CHCHD3: variants seen among roughly 807,000 people sequenced by gnomAD.
The protein encoded by CHCHD3 is MICOS complex subunit MIC19.
Under a neutral mutation model 38.2 loss-of-function variants are expected in CHCHD3, and 20 were observed. The observed-to-expected ratio is 0.52, with a 90% CI of 0.37 to 0.76. The LOEUF (loss-of-function observed/expected upper bound fraction) is 0.76, where lower values mean the gene tolerates loss of function less well. Among genes scored for constraint, CHCHD3 ranks in the 30% least tolerant of loss-of-function variants. The pLI, the probability that CHCHD3 is intolerant of heterozygous loss-of-function variation, is 0.00. For missense variants in CHCHD3, 245 were observed against 279.2 expected (o/e 0.88, Z 0.87); for synonymous variants, 82 against 100.0 (o/e 0.82, Z 1.07).
intron 4 of CHCHD3, among the ~76,000 whole-genome samples, chr7:132,887,840 G>T (rs1324413535): frequency 6.6e-6 from 1 of 151,740 alleles, no homozygotes; most frequent in African/African-American, 2.4e-5. Flanking sequence ...ATACACTGCT[G>T]GTCAGAATAT....
rs554652652 is a variant in CHCHD3 at position 133,050,618 on chromosome 7, G to A, written c.169+19524C>T. Among the ~76,000 whole-genome samples, 486 of 152,166 alleles carry A rather than the reference G, an allele frequency of 3.2e-3. 2 individuals carry two copies. Among genetic ancestry groups the A allele is most frequent in the Non-Finnish European group, 5.1e-3 (349 of 68,008 alleles). On this transcript the variant is annotated intron_variant, in intron 2 of 7. Coordinates refer to ENST00000262570, the MANE Select transcript of CHCHD3 (RefSeq NM_017812.4). Reference sequence around the variant, plus strand: ...ATTTTCCTTTTTATTTATGAACATAGATAGAACAACTCCAATAAACATAAA... The same window carrying A: ...ATTTTCCTTTTTATTTATGAACATAAATAGAACAACTCCAATAAACATAAA...
At chr7:133,014,726 T>C (rs937784911) in intron 3 of CHCHD3, among the ~76,000 whole-genome samples, 28 of 151,908 alleles carry the variant, frequency 1.8e-4, no homozygotes, top group African/African-American at 6.8e-4. Flanking sequence ...ATTTTTCCCC[T>C]CTGCAATCAT....
At chr7:133,044,784 G>A (rs551205737) in intron 2 of CHCHD3, among the ~76,000 whole-genome samples, 11 of 152,380 alleles carry the variant, frequency 7.2e-5, no homozygotes, top group African/African-American at 1.9e-4. Context: ...GGATGGGTCT[G>A]CAGGGCAGAC....
At chr7:132,915,556 CCTCA>C (rs112077789) in intron 4 of CHCHD3, among the ~76,000 whole-genome samples, 2,814 of 152,154 alleles carry the variant, frequency 0.018, 100 homozygotes, top group African/African-American at 0.064. Context: ...AATTTTATTG[CCTCA>C]CTCTTTGTTC....
intron 2 of CHCHD3, among the ~76,000 whole-genome samples, chr7:133,029,446 G>A (rs144146341): frequency 6.6e-6 from 1 of 152,156 alleles, no homozygotes; most frequent in Non-Finnish European, 1.5e-5. Flanking sequence ...CTGCTTCCTA[G>A]AGCTCAACTT....
chr7:132,894,368 C>T (rs1253478714), intron 4 of CHCHD3, among the ~76,000 whole-genome samples: 1 of 152,186 alleles, frequency 6.6e-6, no homozygotes, highest in Non-Finnish European at 1.5e-5. Context: ...CATGTTGACT[C>T]TTCGGAATCA....
At chr7:132,889,860 T>G (rs1306998015) in intron 4 of CHCHD3, among the ~76,000 whole-genome samples, 1 of 152,108 alleles carries the variant, frequency 6.6e-6, no homozygotes, top group Non-Finnish European at 1.5e-5. Context: ...GTAGTAAACC[T>G]ACTGCAAGGA....
At chr7:132,891,111 T>C (rs1464706944) in intron 4 of CHCHD3, among the ~76,000 whole-genome samples, 1 of 152,200 alleles carries the variant, frequency 6.6e-6, no homozygotes, top group Non-Finnish European at 1.5e-5. Context: ...GAATATCAAT[T>C]AGCTGTTAAC....
chr7:132,929,391 A>C (rs1232882480), intron 4 of CHCHD3, among the ~76,000 whole-genome samples: 3 of 151,968 alleles, frequency 2.0e-5, no homozygotes, highest in African/African-American at 7.3e-5. Flanking sequence ...TCTCCCATGC[A>C]ACTCTTTCTC....
intron 3 of CHCHD3, among the ~76,000 whole-genome samples, chr7:132,983,309 C>G (rs1393362342): frequency 1.3e-5 from 2 of 152,068 alleles, no homozygotes; most frequent in Non-Finnish European, 2.9e-5. Context: ...GGTGACAGAC[C>G]GAGACTCTAT....
At chr7:132,803,962 G>A (rs1210486560) in intron 6 of CHCHD3, among the ~76,000 whole-genome samples, 2 of 151,578 alleles carry the variant, frequency 1.3e-5, no homozygotes, top group Admixed American at 1.3e-4. Flanking sequence ...TCTTGTCTTC[G>A]AAGGTAACTT....
At chr7:132,956,274 C>A (rs1811163662) in intron 4 of CHCHD3, among the ~76,000 whole-genome samples, 1 of 152,184 alleles carries the variant, frequency 6.6e-6, no homozygotes. Context: ...TGGTGTACAC[C>A]AATTCCTCTT....
At chr7:133,007,786 C>G (rs185930339) in intron 3 of CHCHD3, among the ~76,000 whole-genome samples, 2 of 152,166 alleles carry the variant, frequency 1.3e-5, no homozygotes, top group African/African-American at 4.8e-5. Flanking sequence ...TTCATTACAG[C>G]CTTCCTGGAA....
At chr7:132,944,934 T>G (rs988536650) in intron 4 of CHCHD3, among the ~76,000 whole-genome samples, 9 of 152,014 alleles carry the variant, frequency 5.9e-5, no homozygotes, top group Non-Finnish European at 1.3e-4. Flanking sequence ...TATGAGTACA[T>G]AAAGAACTTC....
intron 3 of CHCHD3, among the ~76,000 whole-genome samples, chr7:133,005,530 T>C (rs1005925693): frequency 6.6e-6 from 1 of 152,202 alleles, no homozygotes; most frequent in Non-Finnish European, 1.5e-5. Context: ...ATCACAAAAG[T>C]ATACGCTATA....
intron 4 of CHCHD3, among the ~76,000 whole-genome samples, chr7:132,924,352 T>A (rs1585642575): frequency 6.6e-6 from 1 of 152,254 alleles, no homozygotes; most frequent in East Asian, 1.9e-4. Context: ...CAGAATGAAG[T>A]ACAAAGCAGG....
At chr7:132,920,969 G>C (rs1372870549) in intron 4 of CHCHD3, among the ~76,000 whole-genome samples, 1 of 152,092 alleles carries the variant, frequency 6.6e-6, no homozygotes, top group Non-Finnish European at 1.5e-5. Context: ...CTTACCTCCA[G>C]TACTGGCTGG....
intron 4 of CHCHD3, among the ~76,000 whole-genome samples, chr7:132,922,777 C>T (rs1165195016): frequency 6.6e-6 from 1 of 152,230 alleles, no homozygotes; most frequent in South Asian, 2.1e-4. Flanking sequence ...CCTTGTCTTA[C>T]GTTTACTTAC....
chr7:132,816,562 C>T (rs901182049), intron 6 of CHCHD3, among the ~76,000 whole-genome samples: 1 of 152,192 alleles, frequency 6.6e-6, no homozygotes, highest in Non-Finnish European at 1.5e-5. Context: ...CACCATCTCA[C>T]ATCCAACCTT....
Sources: gnomAD v4.1 joint callset for allele counts (sites outside exome capture counted in the v4.1 genomes callset) on GRCh38, gnomAD v4.1.1 for gene constraint, MANE v1.5 for transcripts, NCBI Gene and HGNC (gene_info 2026-07-23, HGNC 2026-07-21) for gene names.